Variants in SUGCT observed in about 807,000 individuals in gnomAD.
The protein encoded by SUGCT is succinyl-CoA:glutarate-CoA transferase.
A neutral mutation model predicts 55.0 loss-of-function variants in SUGCT; 41 were observed. That is an observed-to-expected ratio of 0.74 (90% confidence interval 0.58 to 0.97). The LOEUF (loss-of-function observed/expected upper bound fraction) is 0.97. Among genes scored for constraint, SUGCT ranks in the 50% least tolerant of loss-of-function variants. The probability of loss-of-function intolerance (pLI) is 0.00; values close to 1 mark genes in which losing one functional copy is unlikely to be tolerated. For missense variants in SUGCT, 568 were observed against 547.8 expected (o/e 1.04, Z -0.37); for synonymous variants, 187 against 200.4 (o/e 0.93, Z 0.56).
At chr7:40,667,849 C>T (rs1473397722) in intron 12 of SUGCT, among the ~76,000 whole-genome samples, 3 of 151,892 alleles carry the variant, frequency 2.0e-5, no homozygotes, top group African/African-American at 7.3e-5. Context: ...TTAATCTAGC[C>T]AGTAGTCTAC....
At chr7:41,014,620 T>C in the SUGCT span, among the ~76,000 whole-genome samples, 1 of 152,192 alleles carries the variant, frequency 6.6e-6, no homozygotes, top group Non-Finnish European at 1.5e-5. Flanking sequence ...GGATCACCAA[T>C]GCTCTTTCTC....
At chr7:40,983,436 T>C in the SUGCT span, among the ~76,000 whole-genome samples, 1 of 152,214 alleles carries the variant, frequency 6.6e-6, no homozygotes, top group African/African-American at 2.4e-5. Flanking sequence ...CTGTCATATA[T>C]TTTCCTCCAA....
At chr7:40,434,581 T>C (rs924418993) in intron 9 of SUGCT, among the ~76,000 whole-genome samples, 4 of 152,192 alleles carry the variant, frequency 2.6e-5, no homozygotes, top group Admixed American at 2.6e-4. Context: ...ATTAGTCATA[T>C]AGTCTTTAAG....
intron 13 of SUGCT, among the ~76,000 whole-genome samples, chr7:40,795,140 C>G (rs979925243): frequency 7.2e-5 from 11 of 152,018 alleles, no homozygotes; most frequent in African/African-American, 2.7e-4. Context: ...GTATAATACA[C>G]CAGTGGGCTC....
chr7:40,249,344 T>TATATATATATATATATATATATATAAAA (rs1172651937), intron 7 of SUGCT, among the ~76,000 whole-genome samples: 8 of 128,110 alleles, frequency 6.2e-5, no homozygotes, highest in African/African-American at 2.6e-4. Flanking sequence ...TATATATATA[T>TATATATATATATATATATATATATAAAA]ATAATTATAT....
At chr7:40,308,297 A>T (rs1174641349) in intron 8 of SUGCT, among the ~76,000 whole-genome samples, 2 of 152,138 alleles carry the variant, frequency 1.3e-5, no homozygotes, top group African/African-American at 2.4e-5. Context: ...TGGTGTAGAG[A>T]GTACAGTGAC....
At chr7:40,535,215 G>A in intron 12 of SUGCT, among the ~76,000 whole-genome samples, 1 of 152,026 alleles carries the variant, frequency 6.6e-6, no homozygotes, top group Non-Finnish European at 1.5e-5. Context: ...TTACCCAGGT[G>A]TATTGTGTGA....
chr7:40,258,649 T>C (rs575304002), intron 7 of SUGCT, among the ~76,000 whole-genome samples: 1 of 152,362 alleles, frequency 6.6e-6, no homozygotes, highest in East Asian at 1.9e-4. Flanking sequence ...AGTGCTGGGA[T>C]TATAGGCGTG....
chr7:41,028,479 G>A, the SUGCT span, among the ~76,000 whole-genome samples: 2 of 152,180 alleles, frequency 1.3e-5, no homozygotes, highest in African/African-American at 2.4e-5. Context: ...CAAAGTCATC[G>A]CTGTGGGAGC....
chr7:40,174,238 G>A (rs1784817738), intron 1 of SUGCT, among the ~76,000 whole-genome samples: 1 of 151,996 alleles, frequency 6.6e-6, no homozygotes. Flanking sequence ...GGCCAGGCTG[G>A]TCTTGAACTC....
At chr7:40,201,441 G>A (rs1786600053) in intron 6 of SUGCT, among the ~76,000 whole-genome samples, 1 of 152,114 alleles carries the variant, frequency 6.6e-6, no homozygotes, top group Non-Finnish European at 1.5e-5. Flanking sequence ...CAAAACAATT[G>A]AAAACTACTG....
intron 1 of SUGCT, chr7:40,153,494 A>T: frequency 2.7e-6 from 1 of 368,046 alleles, no homozygotes; most frequent in Non-Finnish European, 5.3e-6. Context: ...TCCACTGAAG[A>T]CGTATCACAC....
chr7:40,437,709 ACAGACC>A (rs1263372188), intron 9 of SUGCT, among the ~76,000 whole-genome samples: 3 of 152,214 alleles, frequency 2.0e-5, no homozygotes, highest in Non-Finnish European at 2.9e-5. Flanking sequence ...ATGTACTAGC[ACAGACC>A]CAGAAGTCAA....
chr7:40,320,719 T>G (rs1314614413), intron 9 of SUGCT, among the ~76,000 whole-genome samples: 1 of 152,184 alleles, frequency 6.6e-6, no homozygotes, highest in Admixed American at 6.5e-5. Context: ...TCGTAGAAGA[T>G]CCATTCACAA....
chr7:40,364,184 C>G (rs904088503), intron 9 of SUGCT, among the ~76,000 whole-genome samples: 8 of 152,012 alleles, frequency 5.3e-5, no homozygotes, highest in African/African-American at 1.9e-4. Context: ...TTCCTACATC[C>G]TTTTATTTTG....
intron 8 of SUGCT, among the ~76,000 whole-genome samples, chr7:40,287,045 C>A (rs1007723060): frequency 6.6e-6 from 1 of 152,134 alleles, no homozygotes. Flanking sequence ...TGATTATTAT[C>A]CTTGCCTGCT....
the SUGCT span, among the ~76,000 whole-genome samples, chr7:41,010,083 C>T: frequency 6.6e-6 from 1 of 152,220 alleles, no homozygotes; most frequent in Non-Finnish European, 1.5e-5. Context: ...AGGAAGCTTG[C>T]TCCCTGCCCT....
intron 8 of SUGCT, among the ~76,000 whole-genome samples, chr7:40,276,795 ATGTG>A (rs754085745): frequency 2.1e-4 from 31 of 146,950 alleles, no homozygotes; most frequent in East Asian, 8.0e-4. Flanking sequence ...TGGGGTGTGC[ATGTG>A]TGTGTGTGTG....
chr7:40,506,682 T>C (rs1792619355), intron 12 of SUGCT, among the ~76,000 whole-genome samples: 1 of 152,152 alleles, frequency 6.6e-6, no homozygotes, highest in Middle Eastern at 3.2e-3. Context: ...TATTTTATTA[T>C]GTTTCATATT....
Sources: gnomAD v4.1 joint callset for allele counts (sites outside exome capture counted in the v4.1 genomes callset) on GRCh38, gnomAD v4.1.1 for gene constraint, MANE v1.5 for transcripts, NCBI Gene and HGNC (gene_info 2026-07-23, HGNC 2026-07-21) for gene names.